EYS: variants seen among roughly 807,000 people sequenced by gnomAD.
EYS encodes EGF-like photoreceptor maintenance factor.
EYS carries 250 observed loss-of-function variants against 282.1 expected under a neutral mutation model. The ratio of observed to expected loss-of-function variants is 0.89; its 90% CI spans 0.80 to 0.98. The LOEUF is 0.98. Among genes scored for constraint, EYS ranks in the 50% least tolerant of loss-of-function variants. The pLI is 0.00. For synonymous variants in EYS, 1,355 were observed against 1,282.9 expected (o/e 1.06, Z -1.20); for missense variants, 4,016 against 3,709.0 (o/e 1.08, Z -2.15).
intron 19 of EYS, among the ~76,000 whole-genome samples, chr6:64,849,102 T>A (rs899111772): frequency 6.6e-5 from 10 of 152,008 alleles, no homozygotes; most frequent in African/African-American, 2.4e-4. Context: ...TAGTGCAATA[T>A]ATATACAATT....
chr6:63,907,797 G>T (rs9450346), intron 35 of EYS, among the ~76,000 whole-genome samples: 3,425 of 151,744 alleles, frequency 0.023, 119 homozygotes, highest in African/African-American at 0.079. Flanking sequence ...CAGCTCCAGC[G>T]CCTATCATTC....
chr6:63,923,305 A>G (rs1252243014), intron 35 of EYS, among the ~76,000 whole-genome samples: 1 of 152,214 alleles, frequency 6.6e-6, no homozygotes, highest in African/African-American at 2.4e-5. Context: ...CAAATATGCC[A>G]TTTAAAAAAT....
At chr6:65,640,539 C>A (rs1767241941) in intron 1 of EYS, among the ~76,000 whole-genome samples, 1 of 152,100 alleles carries the variant, frequency 6.6e-6, no homozygotes, top group African/African-American at 2.4e-5. Flanking sequence ...TATTTTACTT[C>A]ATCTTCATTC....
intron 22 of EYS, among the ~76,000 whole-genome samples, chr6:64,659,300 A>G (rs969215015): frequency 5.3e-5 from 8 of 152,220 alleles, no homozygotes; most frequent in South Asian, 2.1e-4. Flanking sequence ...TTTAAAATTG[A>G]CACCCTAACA....
chr6:64,450,797 C>A (rs1470195201), intron 26 of EYS, among the ~76,000 whole-genome samples: 1 of 152,164 alleles, frequency 6.6e-6, no homozygotes, highest in Non-Finnish European at 1.5e-5. Flanking sequence ...TAAAGATGTT[C>A]TTTGAAAGCA....
At chr6:63,731,174 G>C (rs1768772133) in intron 41 of EYS, among the ~76,000 whole-genome samples, 1 of 152,144 alleles carries the variant, frequency 6.6e-6, no homozygotes, top group Non-Finnish European at 1.5e-5. Flanking sequence ...TCCACAACCA[G>C]CAGAGGGTGA....
At chr6:64,728,620 C>T (rs933179053) in intron 22 of EYS, among the ~76,000 whole-genome samples, 5 of 152,288 alleles carry the variant, frequency 3.3e-5, no homozygotes, top group Non-Finnish European at 7.3e-5. Context: ...TAGGTGTGAG[C>T]CACCGCGACC....
intron 1 of EYS, among the ~76,000 whole-genome samples, chr6:65,643,374 A>T (rs530616252): frequency 6.6e-6 from 1 of 152,308 alleles, no homozygotes; most frequent in African/African-American, 2.4e-5. Flanking sequence ...CAGCAGCTGC[A>T]GCAAGCCCCA....
chr6:64,555,677 A>T (rs746235765), intron 26 of EYS, among the ~76,000 whole-genome samples: 8 of 151,110 alleles, frequency 5.3e-5, no homozygotes, highest in Non-Finnish European at 7.4e-5. Flanking sequence ...GCAAATATGC[A>T]TGTGAAAAGA....
chr6:64,164,633 G>A (rs1775210032), intron 31 of EYS, among the ~76,000 whole-genome samples: 1 of 152,088 alleles, frequency 6.6e-6, no homozygotes, highest in African/African-American at 2.4e-5. Context: ...ATGTATCAGT[G>A]AGACCCTTGA....
intron 28 of EYS, among the ~76,000 whole-genome samples, chr6:64,414,490 A>G (rs1222831135): frequency 1.3e-5 from 2 of 152,196 alleles, no homozygotes; most frequent in African/African-American, 2.4e-5. Flanking sequence ...AATAAGTAAG[A>G]GAAAATAAGA....
At chr6:64,322,067 A>T (rs1238656722) in intron 29 of EYS, among the ~76,000 whole-genome samples, 2 of 152,000 alleles carry the variant, frequency 1.3e-5, no homozygotes, top group Non-Finnish European at 2.9e-5. Flanking sequence ...AAATTTATAC[A>T]TGGATTTAAC....
chr6:64,388,926 T>A, intron 28 of EYS, 86 bp from the exon 29 acceptor site: 1 of 869,384 alleles, frequency 1.2e-6, no homozygotes, highest in Non-Finnish European at 1.6e-6. Context: ...ATCAAAAGAA[T>A]AATTTAAGTA....
chr6:64,976,426 A>G (rs528425423), intron 14 of EYS, among the ~76,000 whole-genome samples: 1 of 152,034 alleles, frequency 6.6e-6, no homozygotes, highest in South Asian at 2.1e-4. Context: ...TACTTCTTAT[A>G]ATTCTGGTGA....
intron 19 of EYS, among the ~76,000 whole-genome samples, chr6:64,855,506 C>T (rs1196851178): frequency 2.0e-5 from 3 of 151,888 alleles, no homozygotes; most frequent in Non-Finnish European, 4.4e-5. Context: ...AGTTTTAGAA[C>T]AGTTTAGGGG....
rs150667324 is a variant in EYS at position 64,416,297 on chromosome 6, C to A, written c.5927+19877G>T. 5.9e-5 allele frequency among the ~76,000 whole-genome samples: 9 copies of A among 152,200 alleles called. No homozygotes were observed. In the East Asian group the frequency reaches 1.7e-3, roughly 29 times the overall value. On this transcript the variant is annotated intron_variant, in intron 28 of 42. Coordinates refer to ENST00000503581, the MANE Select transcript of EYS (RefSeq NM_001142800.2). The stretch of plus-strand genomic sequence containing the variant: ...CATTTATAATCAAAAAGAATAAGAA[C>A]CTAAACTCAGATATAAAATTCTGAT...
chr6:64,914,063 A>C (rs900500028), intron 15 of EYS, among the ~76,000 whole-genome samples: 1 of 152,078 alleles, frequency 6.6e-6, no homozygotes, highest in Admixed American at 6.6e-5. Flanking sequence ...AAATTCTAGC[A>C]GACAGGAGGG....
chr6:65,132,400 G>T (rs1410985487), intron 12 of EYS, among the ~76,000 whole-genome samples: 1 of 151,918 alleles, frequency 6.6e-6, no homozygotes, highest in Non-Finnish European at 1.5e-5. Flanking sequence ...TGCAAAGTTG[G>T]TTCAACATAT....
At chr6:64,617,658 A>T in intron 23 of EYS, 125 bp from the exon 24 acceptor site, 1 of 648,004 alleles carries the variant, frequency 1.5e-6, no homozygotes, top group Non-Finnish European at 2.7e-6. Context: ...TGTACAAATT[A>T]CCTCAGTGTA....
Sources: allele counts gnomAD v4.1 joint callset (sites outside exome capture counted in the v4.1 genomes callset), GRCh38; gene constraint gnomAD v4.1.1; transcripts MANE v1.5; gene names NCBI Gene and HGNC (gene_info 2026-07-23, HGNC 2026-07-21).